SIPA1L1: variants seen among roughly 807,000 people sequenced by gnomAD.
SIPA1L1 encodes the protein signal induced proliferation associated 1 like 1, also known as signal-induced proliferation-associated 1-like protein 1.
A neutral mutation model predicts 162.7 loss-of-function variants in SIPA1L1; 26 were observed. That is an observed-to-expected ratio of 0.16 (90% CI 0.12 to 0.22). The LOEUF is 0.22. Ranked by LOEUF, SIPA1L1 falls within the 10% of genes least tolerant of loss-of-function variation. SIPA1L1 has a pLI of 1.00. For synonymous variants in SIPA1L1, 829 were observed against 837.4 expected (o/e 0.99, Z 0.17); for missense variants, 1,874 against 2,241.0 (o/e 0.84, Z 3.31).
At chr14:71,523,139 G>A (rs750145961) in intron 3 of SIPA1L1, among the ~76,000 whole-genome samples, 2 of 151,300 alleles carry the variant, frequency 1.3e-5, no homozygotes, top group African/African-American at 4.9e-5. Context: ...TAAATTTCTC[G>A]ATGGTTTGGT....
At chr14:71,410,181 G>A (rs1160251315) in intron 2 of SIPA1L1, among the ~76,000 whole-genome samples, 6 of 152,112 alleles carry the variant, frequency 3.9e-5, no homozygotes, top group South Asian at 2.1e-4. Context: ...AACTTACTTT[G>A]TGTATGCTAT....
At chr14:71,703,861 T>C (rs1026877360) in intron 15 of SIPA1L1, among the ~76,000 whole-genome samples, 1 of 152,214 alleles carries the variant, frequency 6.6e-6, no homozygotes, top group African/African-American at 2.4e-5. Context: ...GTTCATTCTC[T>C]CACACAAACC....
chr14:71,494,806 C>T (rs555935071), intron 2 of SIPA1L1, among the ~76,000 whole-genome samples: 7 of 151,982 alleles, frequency 4.6e-5, no homozygotes, highest in Non-Finnish European at 1.0e-4. Context: ...TGCCTGGCTA[C>T]TTTGTGTATT....
At chr14:71,688,383 T>G (rs1050656049) in intron 13 of SIPA1L1, among the ~76,000 whole-genome samples, 1 of 152,216 alleles carries the variant, frequency 6.6e-6, no homozygotes, top group Admixed American at 6.5e-5. Flanking sequence ...CCAAAGAATT[T>G]AGGATACGGG....
chr14:71,691,701 C>A (rs973710072), intron 13 of SIPA1L1, among the ~76,000 whole-genome samples: 5 of 152,116 alleles, frequency 3.3e-5, no homozygotes, highest in Non-Finnish European at 7.4e-5. Context: ...GCACTATGTT[C>A]CCCTTGATGC....
intron 4 of SIPA1L1, among the ~76,000 whole-genome samples, chr14:71,544,271 A>G (rs1233675127): frequency 9.3e-6 from 1 of 107,158 alleles, no homozygotes; most frequent in African/African-American, 2.7e-5. Flanking sequence ...TGATATGTGT[A>G]TATACATATG....
intron 2 of SIPA1L1, among the ~76,000 whole-genome samples, chr14:71,426,939 A>C (rs1364203225): frequency 6.6e-6 from 1 of 152,224 alleles, no homozygotes; most frequent in Non-Finnish European, 1.5e-5. Context: ...AGATTAGTGC[A>C]TTCATTTCTT....
rs374053229 is a variant in SIPA1L1 at position 71,500,945 on chromosome 14, G to T, written c.-464-11798G>T. On this transcript the variant is annotated intron_variant, in intron 2 of 23. Transcript: ENST00000381232. Reference sequence around the variant, plus strand: ...TGCTTAAACCCGGGAGGCAGAGGTTGCGGTGACCCGAGATCGTGCCATTGC... The same window carrying T: ...TGCTTAAACCCGGGAGGCAGAGGTTTCGGTGACCCGAGATCGTGCCATTGC... 2.6e-4 allele frequency among the ~76,000 whole-genome samples: 39 copies of T among 152,354 alleles called. No individual in the cohort carries two copies. In the South Asian group the frequency reaches 7.9e-3, roughly 31 times the overall value.
chr14:71,542,370 G>GCTGCTGCTGCTGCTGCTTCTTC (rs2054492239), intron 4 of SIPA1L1, among the ~76,000 whole-genome samples: 1 of 126,744 alleles, frequency 7.9e-6, no homozygotes, highest in African/African-American at 3.0e-5. Flanking sequence ...TCTTCTTCCT[G>GCTGCTGCTGCTGCTGCTTCTTC]CTGCTGCTGC....
At chr14:71,473,622 A>T (rs968293829) in intron 2 of SIPA1L1, among the ~76,000 whole-genome samples, 5 of 152,214 alleles carry the variant, frequency 3.3e-5, no homozygotes, top group Non-Finnish European at 7.3e-5. Flanking sequence ...CTACTCATGG[A>T]TAGAAAATAA....
At chr14:71,556,033 G>A (rs2108057) in intron 4 of SIPA1L1, among the ~76,000 whole-genome samples, 124,179 of 152,122 alleles carry the variant, frequency 0.82, 51,206 homozygotes, top group African/African-American at 0.92. Flanking sequence ...GAGACAGGAA[G>A]TGAGCACATG....
chr14:71,540,609 G>A (rs2054292349), intron 4 of SIPA1L1, among the ~76,000 whole-genome samples: 1 of 152,232 alleles, frequency 6.6e-6, no homozygotes, highest in Admixed American at 6.5e-5. Context: ...ATTTGTCTTG[G>A]AAGTGATGTC....
intron 7 of SIPA1L1, among the ~76,000 whole-genome samples, chr14:71,637,214 A>G (rs1409174184): frequency 1.3e-5 from 2 of 152,084 alleles, no homozygotes; most frequent in African/African-American, 4.8e-5. Context: ...CTGACAAAGA[A>G]AAACAGACAA....
chr14:71,568,561 C>T (rs934718347), intron 4 of SIPA1L1, among the ~76,000 whole-genome samples: 2 of 152,134 alleles, frequency 1.3e-5, no homozygotes, highest in African/African-American at 4.8e-5. Flanking sequence ...AAAGAGGTCC[C>T]AATCCAGACC....
chr14:71,459,611 A>C (rs2141845863), intron 2 of SIPA1L1, among the ~76,000 whole-genome samples: 1 of 152,292 alleles, frequency 6.6e-6, no homozygotes, highest in South Asian at 2.1e-4. Flanking sequence ...AAGGGCAGGA[A>C]GCGTCCAGCA....
At chr14:71,353,594 TTGGGAG>T (rs1352037717) in intron 2 of SIPA1L1, among the ~76,000 whole-genome samples, 1 of 152,002 alleles carries the variant, frequency 6.6e-6, no homozygotes, top group African/African-American at 2.4e-5. Flanking sequence ...GAATAGCCTT[TTGGGAG>T]TGGGGCTGAA....
chr14:71,481,502 A>T (rs1276055445), intron 2 of SIPA1L1, among the ~76,000 whole-genome samples: 1 of 152,002 alleles, frequency 6.6e-6, no homozygotes, highest in Non-Finnish European at 1.5e-5. Context: ...AAACAAACAA[A>T]CAACAACAAC....
intron 19 of SIPA1L1, among the ~76,000 whole-genome samples, chr14:71,726,432 G>A (rs2084249686): frequency 6.6e-6 from 1 of 152,208 alleles, no homozygotes; most frequent in Admixed American, 6.5e-5. Context: ...AACCTGCCCT[G>A]AAGGGAGTTT....
chr14:71,528,960 A>G (rs952052409), intron 3 of SIPA1L1, among the ~76,000 whole-genome samples: 2 of 152,132 alleles, frequency 1.3e-5, no homozygotes, highest in Non-Finnish European at 2.9e-5. Context: ...TAAAAATACA[A>G]AATTAGCTGG....
Sources: gnomAD v4.1 joint callset for allele counts (sites outside exome capture counted in the v4.1 genomes callset) on GRCh38, gnomAD v4.1.1 for gene constraint, MANE v1.5 for transcripts, NCBI Gene and HGNC (gene_info 2026-07-23, HGNC 2026-07-21) for gene names.